PLCL2: variants seen among roughly 807,000 people sequenced by gnomAD.
The protein encoded by PLCL2 is phospholipase C like 2, also known as inactive phospholipase C-like protein 2.
In PLCL2, 4 loss-of-function variants were observed where a neutral mutation model predicts 79.6. The ratio of observed to expected loss-of-function variants is 0.05; its 90% CI spans 0.02 to 0.11. The LOEUF (loss-of-function observed/expected upper bound fraction) is 0.11. PLCL2 is among the 10% of genes least tolerant of loss of function. The pLI is 1.00. For missense variants in PLCL2, 895 were observed against 1,291.0 expected (o/e 0.69, Z 4.70); for synonymous variants, 484 against 457.7 (o/e 1.06, Z -0.73).
intron 1 of PLCL2, among the ~76,000 whole-genome samples, chr3:16,997,390 A>G (rs2124999988): frequency 6.6e-6 from 1 of 152,226 alleles, no homozygotes; most frequent in Middle Eastern, 3.4e-3. Flanking sequence ...TGAGGGCTGA[A>G]CTAGGGTGGC....
intron 1 of PLCL2, among the ~76,000 whole-genome samples, chr3:16,977,013 T>C (rs2063933441): frequency 6.6e-6 from 1 of 152,152 alleles, no homozygotes; most frequent in African/African-American, 2.4e-5. Flanking sequence ...AGTACCTTAG[T>C]ACTGAGTCTT....
intron 3 of PLCL2, among the ~76,000 whole-genome samples, chr3:17,015,674 A>G (rs1305558859): frequency 1.3e-5 from 2 of 152,150 alleles, no homozygotes; most frequent in East Asian, 1.9e-4. Flanking sequence ...CTTCAGTACT[A>G]TTTAGAGTAC....
At chr3:16,936,418 G>A (rs1453220081) in intron 1 of PLCL2, among the ~76,000 whole-genome samples, 1 of 152,146 alleles carries the variant, frequency 6.6e-6, no homozygotes, top group African/African-American at 2.4e-5. Flanking sequence ...TTGCAAGAGT[G>A]AGGTGGAGTT....
intron 1 of PLCL2, among the ~76,000 whole-genome samples, chr3:17,002,781 T>A (rs1234458835): frequency 6.6e-6 from 1 of 152,158 alleles, no homozygotes; most frequent in Non-Finnish European, 1.5e-5. Flanking sequence ...CTAAAAAAAA[T>A]ATGTATATAC....
chr3:16,978,274 A>G (rs755133737), intron 1 of PLCL2, among the ~76,000 whole-genome samples: 2 of 152,268 alleles, frequency 1.3e-5, no homozygotes, highest in African/African-American at 2.4e-5. Flanking sequence ...ACAAAAATTA[A>G]TCGAAGATTT....
chr3:17,033,555 T>C (rs2064607449), intron 3 of PLCL2, among the ~76,000 whole-genome samples: 1 of 152,186 alleles, frequency 6.6e-6, no homozygotes, highest in African/African-American at 2.4e-5. Flanking sequence ...ATACCAAAAA[T>C]TTTGCATTTG....
rs540262085 is a variant in PLCL2 at position 17,021,680 on chromosome 3, G to T, written c.3018+6769G>T. Among the ~76,000 whole-genome samples the T allele has an allele frequency of 1.7e-4, 26 of 152,060 alleles. No homozygotes were observed. In the South Asian group the frequency reaches 2.5e-3, roughly 15 times the overall value. ...TTGAGGAAAGAGTAGCACTTTAGGG[G>T]ATGGCAGTCTGCTTGAAAGAGACTT... On this transcript the variant is annotated intron_variant, in intron 3 of 5. Coordinates refer to ENST00000615277, the MANE Select transcript of PLCL2 (RefSeq NM_001144382.2).
intron 1 of PLCL2, among the ~76,000 whole-genome samples, chr3:16,966,109 A>C (rs2063803636): frequency 6.6e-6 from 1 of 151,544 alleles, no homozygotes; most frequent in African/African-American, 2.4e-5. Context: ...TTTCAAAGGG[A>C]ATGCTTCCAG....
At position 17,042,042 on chromosome 3, in the gene PLCL2, T is replaced by C. The variant is rs549434040; in HGVS notation, c.3019-832T>C. ...GGTCATGTAAAATAGATGAGTAATA[T>C]TATAATGCAAAATATTTGGATATTT... On this transcript the variant is annotated intron_variant, in intron 3 of 5. Transcript: ENST00000615277. Among the ~76,000 whole-genome samples the C allele has an allele frequency of 1.1e-4, 17 of 152,324 alleles. No homozygotes were observed. The South Asian group carries it at 2.5e-3, about 22-fold the overall frequency.
chr3:16,932,813 A>G (rs897032943), intron 1 of PLCL2, among the ~76,000 whole-genome samples: 1 of 152,264 alleles, frequency 6.6e-6, no homozygotes, highest in Non-Finnish European at 1.5e-5. Flanking sequence ...GTACTGATTA[A>G]GAAGAAACAG....
chr3:17,013,715 C>T (rs1008325705), intron 2 of PLCL2, among the ~76,000 whole-genome samples: 1 of 152,210 alleles, frequency 6.6e-6, no homozygotes, highest in African/African-American at 2.4e-5. Context: ...TAGGTCCACC[C>T]CCTCTGCCCG....
intron 4 of PLCL2, among the ~76,000 whole-genome samples, chr3:17,067,246 A>C (rs1455690934): frequency 6.6e-6 from 1 of 152,174 alleles, no homozygotes; most frequent in Non-Finnish European, 1.5e-5. Flanking sequence ...CGGTCTTACT[A>C]TTAGAGTTAT....
At chr3:16,976,595 T>C (rs184115104) in intron 1 of PLCL2, among the ~76,000 whole-genome samples, 4 of 152,296 alleles carry the variant, frequency 2.6e-5, no homozygotes, top group Admixed American at 2.6e-4. Flanking sequence ...GACTAATGTT[T>C]GACCAAAAAA....
chr3:17,042,702 G>A lies in PLCL2; in HGVS notation c.3019-172G>A, dbSNP rs565264819. 237 of 580,314 alleles carry A rather than the reference G, an allele frequency of 4.1e-4. 5 individuals carry two copies. In the South Asian group the frequency reaches 4.5e-3, roughly 11 times the overall value. The allele number at this position is 580,314 out of a possible 1,614,324, so 35.9% of individuals were successfully genotyped here. A position where few individuals can be genotyped will look rare whatever the true frequency, so the allele number is the denominator to read the frequency against. ...CTTGTTTTAACCATTATGTGGGGAT[G>A]TGTGATGTTATCATTTTCACATGCA... On this transcript the variant is annotated intron_variant, in intron 3 of 5. Coordinates refer to ENST00000615277, the MANE Select transcript of PLCL2 (RefSeq NM_001144382.2).
rs1398522399 is a variant in PLCL2 at position 16,885,074 on chromosome 3, G to GGGCCCTGCCCACCTCCCCGGGCCC, written c.42_65dup (p.Pro15_Leu22dup). ...TGCGGCCGGGGGGGCGCCGCCGGCG[G>GGGCCCTGCCCACCTCCCCGGGCCC]GGCCCTGCCCACCTCCCCGGGCCCG... On this transcript the variant is annotated inframe_insertion, in exon 1 of 6. Coordinates refer to ENST00000615277, the MANE Select transcript of PLCL2 (RefSeq NM_001144382.2). 1 of 388,608 alleles carries GGGCCCTGCCCACCTCCCCGGGCCC rather than the reference G, an allele frequency of 2.6e-6. No homozygotes were observed. The highest frequency in any genetic ancestry group is 4.5e-6 in the Non-Finnish European group (1 of 220,204). 24.1% of individuals were successfully genotyped at this position (388,608 alleles called of 1,614,324 possible). A position where few individuals can be genotyped will look rare whatever the true frequency, so the allele number is the denominator to read the frequency against.
chr3:17,017,799 A>G (rs1159044931), intron 3 of PLCL2, among the ~76,000 whole-genome samples: 2 of 152,134 alleles, frequency 1.3e-5, no homozygotes, highest in Non-Finnish European at 2.9e-5. Flanking sequence ...TGCTATCAAG[A>G]TTGTGATTAC....
At chr3:16,904,350 C>T (rs1290929608) in intron 1 of PLCL2, among the ~76,000 whole-genome samples, 1 of 149,202 alleles carries the variant, frequency 6.7e-6, no homozygotes, top group Non-Finnish European at 1.5e-5. Context: ...TTAACACTTA[C>T]GTTTACTGGT....
intron 3 of PLCL2, among the ~76,000 whole-genome samples, chr3:17,038,630 T>A (rs2064684942): frequency 1.3e-5 from 2 of 152,162 alleles, no homozygotes; most frequent in Admixed American, 6.5e-5. Flanking sequence ...AATAATGAAT[T>A]GTAAAATAGA....
At chr3:17,013,995 A>T (rs2064356227) in intron 2 of PLCL2, among the ~76,000 whole-genome samples, 1 of 152,250 alleles carries the variant, frequency 6.6e-6, no homozygotes, top group Non-Finnish European at 1.5e-5. Flanking sequence ...TATGCCTAGT[A>T]TGGCTTAGCA....
Sources: allele counts gnomAD v4.1 joint callset (sites outside exome capture counted in the v4.1 genomes callset), GRCh38; gene constraint gnomAD v4.1.1; transcripts MANE v1.5; gene names NCBI Gene and HGNC (gene_info 2026-07-23, HGNC 2026-07-21).